Variants in BRWD1 observed in about 807,000 individuals in gnomAD.
The protein encoded by BRWD1 is bromodomain and WD repeat domain containing 1, also known as bromodomain and WD repeat-containing protein 1.
BRWD1 carries 82 observed loss-of-function variants against 251.2 expected under a neutral mutation model. The ratio of observed to expected loss-of-function variants is 0.33; its 90% CI spans 0.27 to 0.39. The LOEUF is 0.39. Among genes scored for constraint, BRWD1 ranks in the 10% least tolerant of loss-of-function variants. The pLI, the probability that BRWD1 is intolerant of heterozygous loss-of-function variation, is 1.00. For synonymous variants in BRWD1, 918 were observed against 902.8 expected (o/e 1.02, Z -0.30); for missense variants, 2,233 against 2,711.6 (o/e 0.82, Z 3.92).
At chr21:39,207,049 T>C (rs1245894826) in intron 36 of BRWD1, among the ~76,000 whole-genome samples, 1 of 152,240 alleles carries the variant, frequency 6.6e-6, no homozygotes, top group Non-Finnish European at 1.5e-5. Context: ...ATGCTTCTCA[T>C]ATACATATAT....
intron 27 of BRWD1, 119 bp from the exon 28 acceptor site, chr21:39,225,316 G>C (rs2033337907): frequency 1.5e-6 from 1 of 675,366 alleles, no homozygotes; most frequent in Non-Finnish European, 2.5e-6. Flanking sequence ...ACAAAAACAG[G>C]CAAGCAGCGC....
At position 39,218,489 on chromosome 21, in the gene BRWD1, A is replaced by C; in HGVS notation, c.3538+16T>G. 1 of 1,560,618 alleles carries C rather than the reference A, an allele frequency of 6.4e-7. No individual in the cohort carries two copies. On this transcript the variant is annotated intron_variant, in intron 30 of 40. Transcript: ENST00000342449. ...TTGAAAAAAAAACTTTTCATCCTAA[A>C]AAATAAAAAACTTACCAAGATTCAA...
At position 39,218,700 on chromosome 21, in the gene BRWD1, C is replaced by A. The variant is rs200535611; in HGVS notation, c.3383-40G>T. 349 of 1,473,174 alleles carry A rather than the reference C, an allele frequency of 2.4e-4. 1 individual carries two copies. In the African/African-American group the frequency reaches 4.8e-3, roughly 20 times the overall value. The allele number at this position is 1,473,174 out of a possible 1,614,324, so 91.3% of individuals were successfully genotyped here. A position where few individuals can be genotyped will look rare whatever the true frequency, so the allele number is the denominator to read the frequency against. On this transcript the variant is annotated intron_variant, in intron 29 of 40. Coordinates refer to ENST00000342449, the MANE Select transcript of BRWD1 (RefSeq NM_033656.4). ...AAAAACAATGAGAGGAAGAAAAAAA[C>A]ACAAAAAATAAATATATACGGTATT...
Position 39,255,661 on chromosome 21 carries a change from G to C in BRWD1, c.2239C>G (p.Pro747Ala), listed in dbSNP as rs750117836. The C allele has an allele frequency of 6.2e-7, 1 of 1,613,936 alleles. No homozygotes were observed. Among genetic ancestry groups the C allele is most frequent in the Non-Finnish European group, 8.5e-7 (1 of 1,179,890 alleles). ...WKRRVVVPEV[P>A]LGIFRKLEDF... The stretch of plus-strand genomic sequence containing the variant: ...AAAACAAACCTAAATATGCCTAGTG[G>C]TACCTCTGGTACAACCACTCTTCGT... The change falls in exon 19 of 41, where the codon CCA (proline) becomes GCA (alanine). Residue 747 changes from proline (P) to alanine (A), a missense_variant. Coordinates refer to ENST00000342449, the MANE Select transcript of BRWD1 (RefSeq NM_033656.4).
Position 39,213,487 on chromosome 21 carries a change from C to G in BRWD1, c.3852G>C (p.Glu1284Asp). The change falls in exon 33 of 41, where the codon GAG (glutamate) becomes GAC (aspartate). Residue 1284 changes from glutamate to aspartate, a missense_variant. Around this residue, in one of 12 missense-constraint regions of BRWD1, gnomAD observed 167 missense variants for 183.2 expected, o/e 0.91. Coordinates refer to ENST00000342449, the MANE Select transcript of BRWD1 (RefSeq NM_033656.4). ...NTSENDEQNAEDLDDSDLPKT... is the reference protein window; with the variant it reads ...NTSENDEQNADDLDDSDLPKT... Reference sequence around the variant, plus strand: ...AAATCAACAAACTTCATACCAAATCCTCAGCATTTTGCTCATCATTTTCAG... The same window carrying G: ...AAATCAACAAACTTCATACCAAATCGTCAGCATTTTGCTCATCATTTTCAG... 2 of 1,610,580 alleles carry G rather than the reference C, an allele frequency of 1.2e-6. No individual in the cohort carries two copies. The highest frequency in any genetic ancestry group is 8.5e-7 in the Non-Finnish European group (1 of 1,178,606).
intron 36 of BRWD1, among the ~76,000 whole-genome samples, chr21:39,208,213 T>C (rs2032497728): frequency 6.6e-6 from 1 of 152,136 alleles, no homozygotes; most frequent in African/African-American, 2.4e-5. Context: ...AACTGTATGG[T>C]ATGTGTCCTC....
rs1262465497 is a variant in BRWD1, at chr21:39,271,472, G to A, written c.1245-1039C>T. On this transcript the variant is annotated intron_variant, in intron 13 of 40. Coordinates refer to ENST00000342449, the MANE Select transcript of BRWD1 (RefSeq NM_033656.4). ...TGAGAGGCCGAGGCAGGCGGATAAC[G>A]AGGTCAGGAGATTGAGACCATCCTG... 7.3e-5 allele frequency among the ~76,000 whole-genome samples: 11 copies of A among 151,578 alleles called. No individual in the cohort carries two copies. In the East Asian group the frequency reaches 9.7e-4, roughly 13 times the overall value.
At chr21:39,282,821 T>G (rs1378767004) in intron 8 of BRWD1, among the ~76,000 whole-genome samples, 1 of 151,964 alleles carries the variant, frequency 6.6e-6, no homozygotes, top group African/African-American at 2.4e-5. Flanking sequence ...TAGCCATGCA[T>G]GGTGGTGGGC....
At chr21:39,237,594 A>C (rs1694284712) in intron 22 of BRWD1, among the ~76,000 whole-genome samples, 1 of 152,188 alleles carries the variant, frequency 6.6e-6, no homozygotes, top group African/African-American at 2.4e-5. Flanking sequence ...AAATTCAAGA[A>C]AAGTTGAATT....
chr21:39,248,247 A>T (rs533460559), intron 20 of BRWD1, among the ~76,000 whole-genome samples: 1 of 152,176 alleles, frequency 6.6e-6, no homozygotes, highest in East Asian at 1.9e-4. Context: ...TGTTCAACAT[A>T]CTAATCATTA....
chr21:39,198,683 CG>C, intron 40 of BRWD1, 79 bp downstream of exon 40: 1 of 1,296,652 alleles, frequency 7.7e-7, no homozygotes, highest in Non-Finnish European at 1.0e-6. Context: ...GAAACTTTTT[CG>C]GGGGGAAAAA....
intron 15 of BRWD1, among the ~76,000 whole-genome samples, chr21:39,265,504 T>C (rs192503434): frequency 1.1e-3 from 160 of 152,340 alleles, no homozygotes; most frequent in African/African-American, 3.5e-3. Flanking sequence ...AAAATTGATT[T>C]TGGATACAAC....
chr21:39,249,915 G>GGTGT (rs368656743), intron 20 of BRWD1, among the ~76,000 whole-genome samples: 134 of 68,610 alleles, frequency 2.0e-3, no homozygotes, highest in Non-Finnish European at 3.7e-3. Context: ...AAAGAAGGGG[G>GGTGT]GTGTGTGTGT....
intron 4 of BRWD1, among the ~76,000 whole-genome samples, chr21:39,302,754 TA>T (rs11320601): frequency 0.89 from 109,598 of 122,646 alleles, 49,093 homozygotes; most frequent in Middle Eastern, 0.94. Flanking sequence ...GACTCCGTCT[TA>T]AAAAAAAAAA....
rs186140378 is a variant in BRWD1 at position 39,276,714 on chromosome 21, T to C, written c.1105-501A>G. On this transcript the variant is annotated intron_variant, in intron 11 of 40. Coordinates refer to ENST00000342449, the MANE Select transcript of BRWD1 (RefSeq NM_033656.4). Reference sequence around the variant, plus strand: ...GAACACTGACAGTTTTCTATCTTACTATGCATTATTAAAATCACATTCTTA... The same window carrying C: ...GAACACTGACAGTTTTCTATCTTACCATGCATTATTAAAATCACATTCTTA... 1.3e-3 allele frequency among the ~76,000 whole-genome samples: 194 copies of C among 151,660 alleles called. 2 individuals carry two copies. Among genetic ancestry groups the C allele is most frequent in the Non-Finnish European group, 7.4e-4 (50 of 67,942 alleles).
At chr21:39,307,606 T>G (rs1601509508) in intron 4 of BRWD1, among the ~76,000 whole-genome samples, 1 of 152,218 alleles carries the variant, frequency 6.6e-6, no homozygotes, top group African/African-American at 2.4e-5. Context: ...ATTACCATTT[T>G]AAGTACTCTA....
intron 4 of BRWD1, among the ~76,000 whole-genome samples, chr21:39,299,313 T>C (rs2036044968): frequency 2.0e-5 from 3 of 151,982 alleles, no homozygotes; most frequent in Non-Finnish European, 1.5e-5. Context: ...TTGAGAGAGA[T>C]GTTAAGATAT....
chr21:39,267,176 T>G (rs2836967), intron 15 of BRWD1, among the ~76,000 whole-genome samples: 45,785 of 151,910 alleles, frequency 0.3, 7,350 homozygotes, highest in Middle Eastern at 0.35. Flanking sequence ...ATCATACTAT[T>G]TAAAATGTTT....
rs922378336 is a variant in BRWD1 at position 39,190,914 on chromosome 21, TTC to T, written c.*5343_*5344del. 1 of 985,244 alleles carries T rather than the reference TTC, an allele frequency of 1.0e-6. No homozygotes were observed. The highest frequency in any genetic ancestry group is 1.7e-5 in the African/African-American group (1 of 57,236). 61.0% of individuals were successfully genotyped at this position (985,244 alleles called of 1,614,324 possible). ...GGCACCACACAACTCTGAATTTTTGTTCTTATTCTGGAACTACAACTAATCTA... is the reference window on the plus strand; with the variant it reads ...GGCACCACACAACTCTGAATTTTTGTTTATTCTGGAACTACAACTAATCTA... On this transcript the variant is annotated 3_prime_UTR_variant, in exon 41 of 41. Transcript: ENST00000342449.
Sources: gnomAD v4.1 joint callset for allele counts (sites outside exome capture counted in the v4.1 genomes callset) on GRCh38, gnomAD v4.1.1 for gene constraint, gnomAD v4.1.1 regional missense constraint, MANE v1.5 for transcripts, NCBI Gene and HGNC (gene_info 2026-07-23, HGNC 2026-07-21) for gene names.